Variants in SOX6 observed in about 807,000 individuals in gnomAD.
SOX6 encodes SRY-box transcription factor 6.
A neutral mutation model predicts 97.8 loss-of-function variants in SOX6; 11 were observed. That is an observed-to-expected ratio of 0.11 (90% confidence interval 0.07 to 0.19). The LOEUF (loss-of-function observed/expected upper bound fraction) is 0.19. SOX6 is among the 10% of genes least tolerant of loss of function. The pLI, the probability that SOX6 is intolerant of heterozygous loss-of-function variation, is 1.00. For synonymous variants in SOX6, 360 were observed against 371.4 expected, an observed-to-expected ratio of 0.97 and a Z score of 0.35; for missense variants, 810 against 1,039.5, an observed-to-expected ratio of 0.78 and a Z score of 3.04.
chr11:16,578,541 A>C (rs1028317759), intron 4 of SOX6, among the ~76,000 whole-genome samples: 2 of 152,128 alleles, frequency 1.3e-5, no homozygotes, highest in African/African-American at 4.8e-5. Context: ...TCCCACTGTC[A>C]AGTTGCTGTA....
At position 16,181,173 on chromosome 11, in the gene SOX6, A is replaced by G. The variant is rs1485375219; in HGVS notation, c.777+2713T>C. On this transcript the variant is annotated intron_variant, in intron 6 of 15. Transcript: ENST00000683767. ...TGCAACCACCTCATACTCATGACCC[A>G]TAGCCAGTTGCCATGATTTAATCTT... Among the ~76,000 whole-genome samples, 4 of 151,790 alleles carry G rather than the reference A, an allele frequency of 2.6e-5. No individual in the cohort carries two copies. In the East Asian group the frequency reaches 7.8e-4, roughly 29 times the overall value.
intron 4 of SOX6, among the ~76,000 whole-genome samples, chr11:16,572,151 C>CA (rs11330439): frequency 1.5e-5 from 2 of 130,500 alleles, no homozygotes; most frequent in African/African-American, 2.5e-5. Flanking sequence ...TGCTTATAAT[C>CA]AAAAAAAAAT....
At chr11:16,227,850 T>G (rs764460122) in intron 4 of SOX6, among the ~76,000 whole-genome samples, 24 of 152,198 alleles carry the variant, frequency 1.6e-4, no homozygotes, top group Admixed American at 5.9e-4. Flanking sequence ...TTCAGAACTC[T>G]TTACTATTCT....
intron 4 of SOX6, among the ~76,000 whole-genome samples, chr11:16,577,841 T>C (rs748083449): frequency 2.0e-4 from 30 of 152,192 alleles, no homozygotes; most frequent in Non-Finnish European, 3.8e-4. Flanking sequence ...TTATTAGAAT[T>C]ATGACTTGCA....
At chr11:16,043,523 G>T (rs1855738718) in intron 12 of SOX6, among the ~76,000 whole-genome samples, 1 of 152,072 alleles carries the variant, frequency 6.6e-6, no homozygotes, top group Non-Finnish European at 1.5e-5. Flanking sequence ...CCAAAATAGG[G>T]ATTTACCCAA....
At chr11:16,535,664 C>A (rs1263121305) in intron 4 of SOX6, among the ~76,000 whole-genome samples, 1 of 151,950 alleles carries the variant, frequency 6.6e-6, no homozygotes, top group Non-Finnish European at 1.5e-5. Flanking sequence ...AGGGTGAGAC[C>A]CTGTCTTAAC....
At chr11:16,565,829 G>A (rs1026996913) in intron 4 of SOX6, among the ~76,000 whole-genome samples, 2 of 151,854 alleles carry the variant, frequency 1.3e-5, no homozygotes, top group Non-Finnish European at 2.9e-5. Flanking sequence ...GGGCGCAGTG[G>A]CTCACACCTG....
intron 4 of SOX6, among the ~76,000 whole-genome samples, chr11:16,524,428 AC>A (rs1361408986): frequency 6.6e-6 from 1 of 151,826 alleles, no homozygotes; most frequent in African/African-American, 2.4e-5. Context: ...AAATTCAACA[AC>A]CCTTCATGCT....
intron 3 of SOX6, among the ~76,000 whole-genome samples, chr11:16,246,621 T>C (rs983596150): frequency 5.9e-5 from 9 of 152,184 alleles, no homozygotes; most frequent in Non-Finnish European, 1.0e-4. Flanking sequence ...CTCCACTGTA[T>C]ATAACATATC....
At chr11:16,426,409 C>G (rs1859133701) in intron 1 of SOX6, among the ~76,000 whole-genome samples, 1 of 149,762 alleles carries the variant, frequency 6.7e-6, no homozygotes, top group African/African-American at 2.5e-5. Flanking sequence ...TCAAACTATA[C>G]TACAGGGCTA....
At chr11:16,630,772 T>C (rs1251849644) in intron 3 of SOX6, among the ~76,000 whole-genome samples, 2 of 152,242 alleles carry the variant, frequency 1.3e-5, no homozygotes, top group African/African-American at 4.8e-5. Context: ...TGCTCCACCA[T>C]TGGATGTGTT....
intron 7 of SOX6, among the ~76,000 whole-genome samples, chr11:16,105,728 G>T (rs909250088): frequency 2.0e-5 from 3 of 152,028 alleles, no homozygotes; most frequent in Non-Finnish European, 4.4e-5. Context: ...ACAAGAAAAA[G>T]AAATAAAATG....
rs1849269260 is a variant in SOX6 at position 16,113,127 on chromosome 11, C to T, written c.778-1204G>A. 2.0e-5 allele frequency among the ~76,000 whole-genome samples: 3 copies of T among 152,256 alleles called. No individual in the cohort carries two copies. In the South Asian group the frequency reaches 6.2e-4, roughly 32 times the overall value. On this transcript the variant is annotated intron_variant, in intron 6 of 15. Coordinates refer to ENST00000683767, the MANE Select transcript of SOX6 (RefSeq NM_001367873.1). ...AGCACTGACTTGCCTTGTCCTGTCCCTGTTCCCTTCATAGCCAGGGACACA... is the reference window on the plus strand; with the variant it reads ...AGCACTGACTTGCCTTGTCCTGTCCTTGTTCCCTTCATAGCCAGGGACACA...
chr11:16,201,457 AC>A (rs977291185), intron 4 of SOX6, among the ~76,000 whole-genome samples: 5 of 151,220 alleles, frequency 3.3e-5, no homozygotes, highest in Non-Finnish European at 7.4e-5. Flanking sequence ...TCAATTCATC[AC>A]TATTTAAAAT....
At chr11:16,450,685 C>T (rs1859700341) in intron 1 of SOX6, among the ~76,000 whole-genome samples, 1 of 152,180 alleles carries the variant, frequency 6.6e-6, no homozygotes, top group African/African-American at 2.4e-5. Flanking sequence ...GTCACCTGAG[C>T]AGAGTTTTGA....
At chr11:16,052,512 G>A (rs1847711393) in intron 10 of SOX6, among the ~76,000 whole-genome samples, 1 of 152,098 alleles carries the variant, frequency 6.6e-6, no homozygotes, top group Non-Finnish European at 1.5e-5. Context: ...CTAGTTGCAA[G>A]TCTCTTATAA....
At chr11:16,220,250 C>A (rs1165328409) in intron 4 of SOX6, among the ~76,000 whole-genome samples, 3 of 151,846 alleles carry the variant, frequency 2.0e-5, no homozygotes, top group African/African-American at 7.3e-5. Flanking sequence ...TTTTAGCTAC[C>A]ACTATAATAA....
intron 4 of SOX6, among the ~76,000 whole-genome samples, chr11:16,208,885 G>A (rs534590073): frequency 1.3e-5 from 2 of 152,138 alleles, no homozygotes; most frequent in Non-Finnish European, 2.9e-5. Context: ...ATATGAAGAT[G>A]CTTTATATTT....
At position 15,968,796 on chromosome 11, in the gene SOX6, C is replaced by A. The variant is rs1458486174; in HGVS notation, c.*4013G>T. ...TTGGCCTGGGCTTTGGTGTCAGGACCCTGGCAAATCAAATCAGGCCTGAGG... is the reference window on the plus strand; with the variant it reads ...TTGGCCTGGGCTTTGGTGTCAGGACACTGGCAAATCAAATCAGGCCTGAGG... On this transcript the variant is annotated 3_prime_UTR_variant, in exon 16 of 16. Transcript: ENST00000683767. The A allele has an allele frequency of 6.6e-6, 1 of 152,162 alleles. No homozygotes were observed. The highest frequency in any genetic ancestry group is 6.5e-5 in the Admixed American group (1 of 15,270). The allele number at this position is 152,162 out of a possible 1,614,324, so 9.4% of individuals were successfully genotyped here.
Sources: gnomAD v4.1 joint callset for allele counts (sites outside exome capture counted in the v4.1 genomes callset) on GRCh38, gnomAD v4.1.1 for gene constraint, MANE v1.5 for transcripts, NCBI Gene and HGNC (gene_info 2026-07-23, HGNC 2026-07-21) for gene names.